TAB3: variants seen among roughly 807,000 people sequenced by gnomAD.
TAB3 encodes the protein TGF-beta-activated kinase 1 and MAP3K7-binding protein 3.
TAB3 carries 18 observed loss-of-function variants against 48.1 expected under a neutral mutation model. That is an observed-to-expected ratio of 0.37 (90% CI 0.26 to 0.55). TAB3 has a LOEUF of 0.55. TAB3 is among the 20% of genes least tolerant of loss of function. The pLI, the probability that TAB3 is intolerant of heterozygous loss-of-function variation, is 0.78. For missense variants in TAB3, 414 were observed against 549.8 expected (o/e 0.75, Z 2.47); for synonymous variants, 185 against 190.2 (o/e 0.97, Z 0.22).
intron 7 of TAB3, 74 bp from the exon 8 acceptor site, chrX:30,846,718 A>G: frequency 1.5e-6 from 1 of 652,490 alleles, no homozygotes; most frequent in Non-Finnish European, 2.4e-6. Flanking sequence ...ACTGCGTTTC[A>G]TGTTAATTGT....
chrX:30,858,096 G>C lies in TAB3; in HGVS notation c.102+1391C>G, dbSNP rs190348311. On this transcript the variant is annotated intron_variant, in intron 5 of 10. Transcript: ENST00000288422. ...CCAATATATTTTATTAATCCCAAAG[G>C]AAGAAAAAAGTGAAAGACTTAGGAC... Among the ~76,000 whole-genome samples the C allele has an allele frequency of 3.0e-3, 339 of 111,607 alleles. 1 individual carries two copies. The highest frequency in any genetic ancestry group is 0.014 in the South Asian group (39 of 2,710).
intron 9 of TAB3, chrX:30,836,427 A>T (rs774134984): frequency 4.1e-4 from 46 of 111,817 alleles, no homozygotes; most frequent in African/African-American, 1.4e-3. Flanking sequence ...TATCTACATA[A>T]TTGAGCTACG....
At chrX:30,847,349 C>T (rs1251631233) in intron 7 of TAB3, among the ~76,000 whole-genome samples, 1 of 110,023 alleles carries the variant, frequency 9.1e-6, no homozygotes, top group Admixed American at 9.8e-5. Context: ...TCTTCTGCCT[C>T]TACCTCTTCA....
intron 1 of TAB3, among the ~76,000 whole-genome samples, chrX:30,873,129 C>G (rs774222073): frequency 1.8e-5 from 2 of 111,970 alleles, no homozygotes; most frequent in Admixed American, 9.4e-5. Flanking sequence ...TATCAAAAAA[C>G]GAATTTTTTT....
At chrX:30,856,315 G>A (rs989682696) in intron 5 of TAB3, among the ~76,000 whole-genome samples, 2 of 112,123 alleles carry the variant, frequency 1.8e-5, no homozygotes, top group African/African-American at 6.5e-5. Flanking sequence ...TTTACCCGCT[G>A]AAAGGTGTCT....
Position 30,828,634 on chromosome X carries a change from T to C in TAB3, c.*2793A>G, listed in dbSNP as rs1431197341. On this transcript the variant is annotated 3_prime_UTR_variant, in exon 11 of 11. Coordinates refer to ENST00000288422, the MANE Select transcript of TAB3 (RefSeq NM_152787.5). ...TTAACAAAATGGCAAACGTGCTTTCTAAAATCCCAGTTTACAAAATAGCGA... is the reference window on the plus strand; with the variant it reads ...TTAACAAAATGGCAAACGTGCTTTCCAAAATCCCAGTTTACAAAATAGCGA... 1 of 112,627 alleles carries C rather than the reference T, an allele frequency of 8.9e-6. No homozygotes were observed. The highest frequency in any genetic ancestry group is 1.9e-5 in the Non-Finnish European group (1 of 53,444). 9.3% of individuals were successfully genotyped at this position (112,627 alleles called of 1,213,427 possible).
intron 7 of TAB3, among the ~76,000 whole-genome samples, chrX:30,847,147 C>G (rs773753738): frequency 6.3e-5 from 7 of 111,150 alleles, no homozygotes; most frequent in Non-Finnish European, 1.3e-4. Context: ...AACTGAGGCA[C>G]AGAGAGGTTA....
chrX:30,831,265 T>G lies in TAB3; in HGVS notation c.*162A>C, dbSNP rs1453012521. 1.9e-6 allele frequency: 1 copy of G among 535,558 alleles called. No homozygotes were observed. The highest frequency in any genetic ancestry group is 2.8e-6 in the Non-Finnish European group (1 of 357,625). The allele number at this position is 535,558 out of a possible 1,213,427, so 44.1% of individuals were successfully genotyped here. A position where few individuals can be genotyped will look rare whatever the true frequency, so the allele number is the denominator to read the frequency against. The stretch of plus-strand genomic sequence containing the variant: ...AAAGGAGAAAAAAAAGACCTCCCCA[T>G]TTTTCCTTTCGTGAGCACAACGACG... On this transcript the variant is annotated 3_prime_UTR_variant, in exon 11 of 11. Transcript: ENST00000288422.
At chrX:30,884,030 G>C (rs1415776773) in intron 1 of TAB3, among the ~76,000 whole-genome samples, 2 of 111,158 alleles carry the variant, frequency 1.8e-5, no homozygotes, top group African/African-American at 6.6e-5. Flanking sequence ...CTAACAAAAG[G>C]AATGGTGTTA....
chrX:30,832,958 C>A (rs961168127), intron 10 of TAB3, among the ~76,000 whole-genome samples: 3 of 108,171 alleles, frequency 2.8e-5, no homozygotes, highest in South Asian at 3.9e-4. Context: ...GTTTACTATG[C>A]CATTTTCTTT....
In TAB3 at chrX:30,830,064, C is replaced by T. The variant is rs1241041712; in HGVS notation, c.*1363G>A. ...TTAATGAAATGTGCTATTAAGTTTC[C>T]AGCGATGCACCCTAGTGAGTCACAT... On this transcript the variant is annotated 3_prime_UTR_variant, in exon 11 of 11. Coordinates refer to ENST00000288422, the MANE Select transcript of TAB3 (RefSeq NM_152787.5). The T allele has an allele frequency of 9.0e-6, 1 of 111,343 alleles. No individual in the cohort carries two copies. Among genetic ancestry groups the T allele is most frequent in the Admixed American group, 9.6e-5 (1 of 10,442 alleles). 9.2% of individuals were successfully genotyped at this position (111,343 alleles called of 1,213,427 possible). A position where few individuals can be genotyped will look rare whatever the true frequency, so the allele number is the denominator to read the frequency against.
At position 30,831,325 on chromosome X, in the gene TAB3, C is replaced by A; in HGVS notation, c.*102G>T. ...CCATTCCTCCTCCCCGCTGTGCAAT[C>A]GAAAATGAAAAGGCTGGGTGGATGA... On this transcript the variant is annotated 3_prime_UTR_variant, in exon 11 of 11. Transcript: ENST00000288422. 1 of 977,353 alleles carries A rather than the reference C, an allele frequency of 1.0e-6. No individual in the cohort carries two copies. The highest frequency in any genetic ancestry group is 1.4e-6 in the Non-Finnish European group (1 of 740,020). 80.5% of individuals were successfully genotyped at this position (977,353 alleles called of 1,213,427 possible).
At chrX:30,861,338 T>C (rs1183661157) in intron 4 of TAB3, among the ~76,000 whole-genome samples, 2 of 110,929 alleles carry the variant, frequency 1.8e-5, no homozygotes, top group African/African-American at 6.6e-5. Context: ...ACAAGCCTTT[T>C]AGATGACTCT....
chrX:30,888,694 C>A (rs915585544), intron 1 of TAB3, among the ~76,000 whole-genome samples: 19 of 113,001 alleles, frequency 1.7e-4, no homozygotes, highest in African/African-American at 5.8e-4. Context: ...CATCTCTCAA[C>A]ACCCTCAACG....
intron 2 of TAB3, among the ~76,000 whole-genome samples, chrX:30,868,017 T>G (rs1939462293): frequency 9.5e-6 from 1 of 105,056 alleles, no homozygotes; most frequent in Non-Finnish European, 1.9e-5. Context: ...CCATCTCAGC[T>G]GCCCAAGTAG....
In TAB3 at chrX:30,831,374, C is replaced by G; in HGVS notation, c.*53G>C. ...GAATAGAGTCCCGAGGTTTCCTTTT[C>G]TTCTGGTAGTGCTCAAAGTTTCACT... On this transcript the variant is annotated 3_prime_UTR_variant, in exon 11 of 11. Transcript: ENST00000288422. 1.7e-6 allele frequency: 2 copies of G among 1,169,313 alleles called. No homozygotes were observed. Among genetic ancestry groups the G allele is most frequent in the South Asian group, 2.0e-5 (1 of 49,494 alleles).
intron 2 of TAB3, among the ~76,000 whole-genome samples, chrX:30,869,170 C>T (rs1295747729): frequency 9.1e-6 from 1 of 110,080 alleles, no homozygotes; most frequent in Admixed American, 9.7e-5. Flanking sequence ...AAGCGATTCT[C>T]CTGCCTCAGC....
chrX:30,840,815 T>C (rs1938410609), intron 9 of TAB3, among the ~76,000 whole-genome samples: 1 of 111,643 alleles, frequency 9.0e-6, no homozygotes, highest in African/African-American at 3.3e-5. Context: ...TGCACGTGTT[T>C]TCCACCATTT....
Position 30,828,481 on chromosome X carries a change from C to T in TAB3, c.*2946G>A, listed in dbSNP as rs1026407968. 4.4e-5 allele frequency: 5 copies of T among 113,022 alleles called. No homozygotes were observed. The highest frequency in any genetic ancestry group is 9.5e-5 in the Admixed American group (1 of 10,540). The allele number at this position is 113,022 out of a possible 1,213,427, so 9.3% of individuals were successfully genotyped here. ...TTCTTTGTTTCTTTAAAGCCCCCTG[C>T]CTCTACTCTCTTCCAAACAAAGTCA... On this transcript the variant is annotated 3_prime_UTR_variant, in exon 11 of 11. Coordinates refer to ENST00000288422, the MANE Select transcript of TAB3 (RefSeq NM_152787.5).
Sources: gnomAD v4.1 joint callset for allele counts (sites outside exome capture counted in the v4.1 genomes callset) on GRCh38, gnomAD v4.1.1 for gene constraint, MANE v1.5 for transcripts, NCBI Gene and HGNC (gene_info 2026-07-23, HGNC 2026-07-21) for gene names.